ATMIN: variants seen among roughly 807,000 people sequenced by gnomAD.
ATMIN encodes ATM interactor, also known as ATM INteracting protein.
Under a neutral mutation model 49.2 loss-of-function variants are expected in ATMIN, and 24 were observed. That is an observed-to-expected ratio of 0.49 (90% CI 0.35 to 0.69). The LOEUF (loss-of-function observed/expected upper bound fraction) is 0.69. ATMIN is among the 30% of genes least tolerant of loss of function. The pLI, the probability that ATMIN is intolerant of heterozygous loss-of-function variation, is 0.00. For synonymous variants in ATMIN, 450 were observed against 392.5 expected (o/e 1.15, Z -1.73); for missense variants, 1,037 against 1,005.5 (o/e 1.03, Z -0.42).
intron 1 of ATMIN, among the ~76,000 whole-genome samples, chr16:81,037,967 GTGGA>G (rs900766160): frequency 6.6e-6 from 1 of 152,000 alleles, no homozygotes; most frequent in African/African-American, 2.4e-5. Context: ...CATAACTTAG[GTGGA>G]TGAACTATTT....
rs1021532892 is a variant in ATMIN at position 81,043,817 on chromosome 16, G to A, written c.1319G>A (p.Cys440Tyr). 6.2e-7 allele frequency: 1 copy of A among 1,614,044 alleles called. No individual in the cohort carries two copies. The highest frequency in any genetic ancestry group is 8.5e-7 in the Non-Finnish European group (1 of 1,180,038). The stretch of plus-strand genomic sequence containing the variant: ...ACTGCTGATTCCTCTGTGTCGTCTT[G>A]TTCTCAAACTGATTTGTCGTTTGAT... The part of the protein sequence containing the change: ...WATADSSVSS[C>Y]SQTDLSFDSQ... Residue 440 changes from cysteine (C) to tyrosine (Y), a missense_variant, in exon 4 of 4, where the codon TGT becomes TAT. Physicochemically the swap from Cys to Tyr is radical, Grantham distance 194 (BLOSUM62 -2). Coordinates refer to ENST00000299575, the MANE Select transcript of ATMIN (RefSeq NM_015251.3).
At chr16:81,036,457 C>G (rs765972088) in intron 1 of ATMIN, among the ~76,000 whole-genome samples, 32 of 152,320 alleles carry the variant, frequency 2.1e-4, no homozygotes, top group Middle Eastern at 3.4e-3. Context: ...TTCCCTGGTT[C>G]CCTGGCTCCC....
chr16:81,043,367 A>G lies in ATMIN; in HGVS notation c.869A>G (p.Tyr290Cys). Residue 290 changes from tyrosine (Y) to cysteine (C), a missense_variant, in exon 4 of 4, where the codon TAT (tyrosine) becomes TGT (cysteine). Tyr to Cys is a radical substitution (Grantham distance 194). Transcript: ENST00000299575. ...DKQTLTTPPR[Y>C]PQKLLLPKPK... ...CAGACTCTTACAACACCACCGAGAT[A>G]TCCTCAGAAGTTGCTTTTACCAAAG... is the stretch of plus-strand genomic sequence containing the variant. The G allele has an allele frequency of 6.2e-7, 1 of 1,614,068 alleles. No individual in the cohort carries two copies. Among genetic ancestry groups the G allele is most frequent in the Non-Finnish European group, 8.5e-7 (1 of 1,179,994 alleles).
rs1971136716 is a variant in ATMIN, at chr16:81,047,230, G to A, written c.*2260G>A. ...AAATTTAATGATTAAAGAGAAGCCAGAATTGTACCCTTTTTTGTGAATTCT... is the reference window on the plus strand; with the variant it reads ...AAATTTAATGATTAAAGAGAAGCCAAAATTGTACCCTTTTTTGTGAATTCT... On this transcript the variant is annotated 3_prime_UTR_variant, in exon 4 of 4. Transcript: ENST00000299575. 6.6e-6 allele frequency: 1 copy of A among 152,228 alleles called. No individual in the cohort carries two copies. The highest frequency in any genetic ancestry group is 1.5e-5 in the Non-Finnish European group (1 of 68,032). The allele number at this position is 152,228 out of a possible 1,614,324, so 9.4% of individuals were successfully genotyped here.
At chr16:81,037,689 G>A (rs996665187) in intron 1 of ATMIN, among the ~76,000 whole-genome samples, 3 of 152,098 alleles carry the variant, frequency 2.0e-5, no homozygotes, top group East Asian at 1.9e-4. Flanking sequence ...AGGCTGGAGC[G>A]CAGTGGCGCC....
chr16:81,041,604 T>C, intron 2 of ATMIN, 123 bp downstream of exon 2: 16 of 1,296,150 alleles, frequency 1.2e-5, no homozygotes, highest in South Asian at 1.5e-5. Flanking sequence ...CCTGCGTGTC[T>C]CCCAGTTGGT....
chr16:81,038,067 T>A (rs911960855), intron 1 of ATMIN, among the ~76,000 whole-genome samples: 13 of 152,188 alleles, frequency 8.5e-5, no homozygotes, highest in African/African-American at 2.9e-4. Flanking sequence ...CTGTTGAACA[T>A]AAAGATACCA....
chr16:81,039,931 C>G (rs1971011627), intron 1 of ATMIN, among the ~76,000 whole-genome samples: 1 of 152,102 alleles, frequency 6.6e-6, no homozygotes, highest in African/African-American at 2.4e-5. Flanking sequence ...AAACCGTTTC[C>G]TTCTTGGATG....
Position 81,045,717 on chromosome 16 carries a change from CCT to C in ATMIN, c.*748_*749del, listed in dbSNP as rs1471409313. ...AGCGGGCCAGGTGTGGTGGCTTACC[CCT>C]GTAATCCCAGCACTTTGGGAGGCCA... On this transcript the variant is annotated 3_prime_UTR_variant, in exon 4 of 4. Coordinates refer to ENST00000299575, the MANE Select transcript of ATMIN (RefSeq NM_015251.3). 6.6e-6 allele frequency: 1 copy of C among 152,266 alleles called. No individual in the cohort carries two copies. Among genetic ancestry groups the C allele is most frequent in the African/African-American group, 2.4e-5 (1 of 41,436 alleles). 9.4% of individuals were successfully genotyped at this position (152,266 alleles called of 1,614,324 possible).
At position 81,042,918 on chromosome 16, in the gene ATMIN, G is replaced by C. The variant is rs567649846; in HGVS notation, c.663-243G>C. Among the ~76,000 whole-genome samples, 54 of 152,270 alleles carry C rather than the reference G, an allele frequency of 3.5e-4. 1 individual carries two copies. In the Middle Eastern group the frequency reaches 0.01, roughly 29 times the overall value. ...CTTTTGGCTTAAAGATCTGAGTTGA[G>C]TTCTAGTACTTAGAGCTTAACAAAA... On this transcript the variant is annotated intron_variant, in intron 3 of 3. Coordinates refer to ENST00000299575, the MANE Select transcript of ATMIN (RefSeq NM_015251.3).
Position 81,038,945 on chromosome 16 carries a change from T to G in ATMIN, c.337-2411T>G, listed in dbSNP as rs185635639. On this transcript the variant is annotated intron_variant, in intron 1 of 3. Coordinates refer to ENST00000299575, the MANE Select transcript of ATMIN (RefSeq NM_015251.3). ...CGAGTAGTTGGGACTACAGGCATGC[T>G]CCACCACGCCCGACTAATTTTTGTT... is the stretch of plus-strand genomic sequence containing the variant. 7.9e-5 allele frequency among the ~76,000 whole-genome samples: 12 copies of G among 152,194 alleles called. No individual in the cohort carries two copies. In the East Asian group the frequency reaches 2.3e-3, roughly 29 times the overall value.
Position 81,045,180 on chromosome 16 carries a change from G to T in ATMIN, c.*210G>T. ...AAAGTTTGAGATGTTGATCTAAATT[G>T]TTTTTGTGTTGCCTACATTTGCCTT... On this transcript the variant is annotated 3_prime_UTR_variant, in exon 4 of 4. Transcript: ENST00000299575. The T allele has an allele frequency of 1.7e-6, 1 of 600,996 alleles. No homozygotes were observed. The highest frequency in any genetic ancestry group is 2.7e-6 in the Non-Finnish European group (1 of 374,612). 37.2% of individuals were successfully genotyped at this position (600,996 alleles called of 1,614,324 possible). A position where few individuals can be genotyped will look rare whatever the true frequency, so the allele number is the denominator to read the frequency against.
At position 81,046,071 on chromosome 16, in the gene ATMIN, GA is replaced by G. The variant is rs1971114177; in HGVS notation, c.*1104del. 1 of 152,148 alleles carries G rather than the reference GA, an allele frequency of 6.6e-6. No individual in the cohort carries two copies. The highest frequency in any genetic ancestry group is 2.4e-5 in the African/African-American group (1 of 41,430). 9.4% of individuals were successfully genotyped at this position (152,148 alleles called of 1,614,324 possible). ...CAAACCTTGGGAACAGGGAGTTATG[GA>G]AACATGCCTATGACTTCATCTTGGG... On this transcript the variant is annotated 3_prime_UTR_variant, in exon 4 of 4. Transcript: ENST00000299575.
chr16:81,045,155 A>G lies in ATMIN; in HGVS notation c.*185A>G, dbSNP rs1971098112. 1 of 741,704 alleles carries G rather than the reference A, an allele frequency of 1.3e-6. No homozygotes were observed. The highest frequency in any genetic ancestry group is 2.1e-6 in the Non-Finnish European group (1 of 487,452). 45.9% of individuals were successfully genotyped at this position (741,704 alleles called of 1,614,324 possible). On this transcript the variant is annotated 3_prime_UTR_variant, in exon 4 of 4. Coordinates refer to ENST00000299575, the MANE Select transcript of ATMIN (RefSeq NM_015251.3). ...TTGCGTATAAATGTGAGTGTATTAT[A>G]AAGTTTGAGATGTTGATCTAAATTG...
At chr16:81,042,944 G>C (rs1220778339) in intron 3 of ATMIN, among the ~76,000 whole-genome samples, 4 of 152,034 alleles carry the variant, frequency 2.6e-5, no homozygotes, top group African/African-American at 7.3e-5. Flanking sequence ...CTTAACAAAA[G>C]GTATGTTTCC....
intron 1 of ATMIN, chr16:81,040,735 G>A: frequency 6.5e-6 from 1 of 153,912 alleles, no homozygotes; most frequent in East Asian, 1.9e-4. Context: ...GTACGGGGGT[G>A]CTGCTGAAAA....
At chr16:81,036,255 A>G in intron 1 of ATMIN, 49 bp downstream of exon 1, 2 of 1,216,624 alleles carry the variant, frequency 1.6e-6, no homozygotes, top group East Asian at 4.0e-5. Context: ...TGGCTCCAAC[A>G]AAGCGCCCGG....
Position 81,035,843 on chromosome 16 carries a change from A to C in ATMIN, c.-28A>C. On this transcript the variant is annotated 5_prime_UTR_variant, in exon 1 of 4. Coordinates refer to ENST00000299575, the MANE Select transcript of ATMIN (RefSeq NM_015251.3). Reference sequence around the variant, plus strand: ...GGCTGCGGCGGGGGCGGGGCCTACGAACTGGGCCGGGCGGCCGTGCGGGAG... The same window carrying C: ...GGCTGCGGCGGGGGCGGGGCCTACGCACTGGGCCGGGCGGCCGTGCGGGAG... The C allele has an allele frequency of 1.4e-6, 1 of 724,258 alleles. No homozygotes were observed. Among genetic ancestry groups the C allele is most frequent in the Non-Finnish European group, 1.7e-6 (1 of 592,098 alleles). 44.9% of individuals were successfully genotyped at this position (724,258 alleles called of 1,614,324 possible).
intron 2 of ATMIN, 175 bp downstream of exon 2, chr16:81,041,656 G>A: frequency 1.4e-6 from 1 of 708,266 alleles, no homozygotes; most frequent in Admixed American, 3.4e-5. Flanking sequence ...GGGAAAAGCG[G>A]CACGGTCTGG....
Sources: allele counts gnomAD v4.1 joint callset (sites outside exome capture counted in the v4.1 genomes callset), GRCh38; gene constraint gnomAD v4.1.1; transcripts MANE v1.5; gene names NCBI Gene and HGNC (gene_info 2026-07-23, HGNC 2026-07-21).